The following TNFRSF11A variants were observed in gnomAD, a reference collection of about 807,000 sequenced individuals.
TNFRSF11A encodes the protein tumor necrosis factor receptor superfamily member 11A.
Under a neutral mutation model 55.7 loss-of-function variants are expected in TNFRSF11A, and 32 were observed. The observed-to-expected ratio is 0.57, with a 90% CI of 0.43 to 0.77. The LOEUF (loss-of-function observed/expected upper bound fraction) is 0.77, where lower values mean the gene tolerates loss of function less well. Among genes scored for constraint, TNFRSF11A ranks in the 30% least tolerant of loss-of-function variants. The pLI is 0.00. For synonymous variants in TNFRSF11A, 311 were observed against 331.0 expected (o/e 0.94, Z 0.65); for missense variants, 753 against 809.8 (o/e 0.93, Z 0.85).
intron 3 of TNFRSF11A, among the ~76,000 whole-genome samples, chr18:62,353,524 G>A (rs138909831): frequency 5.4e-4 from 83 of 152,294 alleles, no homozygotes; most frequent in Middle Eastern, 3.4e-3. Context: ...CCTGAGTGTG[G>A]AGCAACTCAA....
Position 62,378,311 on chromosome 18 carries a change from C to T in TNFRSF11A, c.1568-6440C>T, listed in dbSNP as rs183096889. The stretch of plus-strand genomic sequence containing the variant: ...CTACATTCAACTCACAGCAGACTTG[C>T]GTGATGAGAAATGAGACTGTGGGGT... On this transcript the variant is annotated intron_variant, in intron 9 of 9. Coordinates refer to ENST00000586569, the MANE Select transcript of TNFRSF11A (RefSeq NM_003839.4). 3.0e-3 allele frequency among the ~76,000 whole-genome samples: 460 copies of T among 152,286 alleles called. 5 individuals carry two copies. Among genetic ancestry groups the T allele is most frequent in the Non-Finnish European group, 5.1e-3 (345 of 68,032 alleles).
chr18:62,351,002 C>CTTTTTTTTTTTT (rs71160826), intron 3 of TNFRSF11A, among the ~76,000 whole-genome samples: 4 of 122,692 alleles, frequency 3.3e-5, no homozygotes, highest in African/African-American at 6.0e-5. Flanking sequence ...TTTTTTCTTT[C>CTTTTTTTTTTTT]TTTTTTTTTT....
intron 4 of TNFRSF11A, chr18:62,357,836 G>C (rs1317781069): frequency 3.9e-6 from 1 of 259,206 alleles, no homozygotes; most frequent in Non-Finnish European, 7.6e-6. Flanking sequence ...CTAGCTGGCA[G>C]GTGCATGGGG....
At chr18:62,340,133 A>T (rs1323289569) in intron 1 of TNFRSF11A, among the ~76,000 whole-genome samples, 1 of 151,996 alleles carries the variant, frequency 6.6e-6, no homozygotes, top group Non-Finnish European at 1.5e-5. Flanking sequence ...TCGAGGCTAC[A>T]GTGAGCAGTG....
intron 1 of TNFRSF11A, among the ~76,000 whole-genome samples, chr18:62,342,109 C>T (rs1288892638): frequency 1.3e-5 from 2 of 151,106 alleles, no homozygotes; most frequent in Non-Finnish European, 3.0e-5. Flanking sequence ...TGCTAAAATT[C>T]CCATGTGCAG....
At position 62,332,052 on chromosome 18, in the gene TNFRSF11A, A is replaced by AGTG. The variant is rs778450684; in HGVS notation, c.75+6626_75+6627insTGG. Among the ~76,000 whole-genome samples, 3 of 152,342 alleles carry AGTG rather than the reference A, an allele frequency of 2.0e-5. No homozygotes were observed. The East Asian group carries it at 5.8e-4, about 29-fold the overall frequency. On this transcript the variant is annotated intron_variant, in intron 1 of 9. Coordinates refer to ENST00000586569, the MANE Select transcript of TNFRSF11A (RefSeq NM_003839.4). Reference sequence around the variant, plus strand: ...TGAGAGTACAAGAGCCACTTCCTCAAGCTATCAGAAATTTGAAGACTTTCC... The same window carrying AGTG: ...TGAGAGTACAAGAGCCACTTCCTCAAGTGGCTATCAGAAATTTGAAGACTTTCC...
chr18:62,369,778 G>A (rs1844373024), intron 9 of TNFRSF11A, among the ~76,000 whole-genome samples: 1 of 152,106 alleles, frequency 6.6e-6, no homozygotes, highest in African/African-American at 2.4e-5. Context: ...TAGACCTCAA[G>A]CCCCAGCACT....
intron 1 of TNFRSF11A, among the ~76,000 whole-genome samples, chr18:62,338,258 A>G (rs1394645618): frequency 6.6e-6 from 1 of 152,220 alleles, no homozygotes; most frequent in East Asian, 1.9e-4. Context: ...ACCCCTGCGG[A>G]AAACAGTTGA....
rs1188732272 is a variant in TNFRSF11A at position 62,386,948 on chromosome 18, T to A, written c.*1914T>A. The A allele has an allele frequency of 6.6e-6, 1 of 152,186 alleles. No individual in the cohort carries two copies. Among genetic ancestry groups the A allele is most frequent in the East Asian group, 1.9e-4 (1 of 5,202 alleles). The allele number at this position is 152,186 out of a possible 1,614,324, so 9.4% of individuals were successfully genotyped here. A position where few individuals can be genotyped will look rare whatever the true frequency, so the allele number is the denominator to read the frequency against. On this transcript the variant is annotated 3_prime_UTR_variant, in exon 10 of 10. Transcript: ENST00000586569. Reference sequence around the variant, plus strand: ...GAGGAAACCATTATACCTTTTGATATGGAATATATTACAGAGTTACAGTTC... The same window carrying A: ...GAGGAAACCATTATACCTTTTGATAAGGAATATATTACAGAGTTACAGTTC...
intron 9 of TNFRSF11A, among the ~76,000 whole-genome samples, chr18:62,377,895 A>T (rs1462240821): frequency 1.3e-5 from 2 of 152,106 alleles, no homozygotes; most frequent in African/African-American, 4.8e-5. Context: ...GGTAAGCCTC[A>T]TCTGAACCAT....
rs1427277042 is a variant in TNFRSF11A, at chr18:62,390,999, T to A, written c.*5965T>A. On this transcript the variant is annotated 3_prime_UTR_variant, in exon 10 of 10. Transcript: ENST00000586569. The stretch of plus-strand genomic sequence containing the variant: ...ATTTCAACATCCCAAAGTTCCCATT[T>A]CCCTTTTCAGTCAATCCCTTCCCCA... The A allele has an allele frequency of 6.6e-6, 1 of 152,222 alleles. No individual in the cohort carries two copies. Among genetic ancestry groups the A allele is most frequent in the Non-Finnish European group, 1.5e-5 (1 of 68,042 alleles). 9.4% of individuals were successfully genotyped at this position (152,222 alleles called of 1,614,324 possible). A position where few individuals can be genotyped will look rare whatever the true frequency, so the allele number is the denominator to read the frequency against.
chr18:62,381,188 G>C (rs186163273), intron 9 of TNFRSF11A, among the ~76,000 whole-genome samples: 39 of 152,190 alleles, frequency 2.6e-4, no homozygotes, highest in Admixed American at 1.5e-3. Flanking sequence ...AAGGGTTTGA[G>C]GTCCATCTGA....
intron 1 of TNFRSF11A, among the ~76,000 whole-genome samples, chr18:62,327,412 G>A (rs1452499204): frequency 1.2e-4 from 19 of 152,184 alleles, no homozygotes; most frequent in Non-Finnish European, 1.0e-4. Flanking sequence ...TCACAATCAA[G>A]TGACATTGGA....
At chr18:62,351,284 T>C (rs2046467901) in intron 3 of TNFRSF11A, among the ~76,000 whole-genome samples, 1 of 152,208 alleles carries the variant, frequency 6.6e-6, no homozygotes, top group South Asian at 2.1e-4. Flanking sequence ...ATTACAGGCG[T>C]GAGCCACAAT....
At chr18:62,384,548 T>G (rs1355875816) in intron 9 of TNFRSF11A, among the ~76,000 whole-genome samples, 2 of 150,702 alleles carry the variant, frequency 1.3e-5, no homozygotes, top group Non-Finnish European at 3.0e-5. Context: ...ACTTCTTTTG[T>G]CTTTTTTCTC....
In TNFRSF11A at chr18:62,368,778, G is replaced by C; in HGVS notation, c.861G>C (p.Leu287=). Reference sequence around the variant, plus strand: ...AGGGAGCATGTGAAGGTGTCTTACTGCTGACTCTGGAGGAGAAGACATTTC... The same window carrying C: ...AGGGAGCATGTGAAGGTGTCTTACTCCTGACTCTGGAGGAGAAGACATTTC... ...GQQGACEGVL[L]LTLEEKTFPE... is the part of the protein sequence containing the mutation. The change falls in exon 9 of 10, where the codon CTG becomes CTC. Residue 287 remains leucine (L), a synonymous_variant. Transcript: ENST00000586569. The C allele has an allele frequency of 6.2e-7, 1 of 1,614,232 alleles. No homozygotes were observed. Among genetic ancestry groups the C allele is most frequent in the South Asian group, 1.1e-5 (1 of 91,084 alleles).
chr18:62,377,716 G>C (rs1445141878), intron 9 of TNFRSF11A, among the ~76,000 whole-genome samples: 1 of 151,980 alleles, frequency 6.6e-6, no homozygotes, highest in Non-Finnish European at 1.5e-5. Flanking sequence ...TAAGGCCTTG[G>C]GTCCATTTTT....
intron 8 of TNFRSF11A, among the ~76,000 whole-genome samples, chr18:62,367,999 GC>G (rs1910227215): frequency 6.6e-6 from 1 of 151,940 alleles, no homozygotes; most frequent in Non-Finnish European, 1.5e-5. Context: ...TCACTGTGTT[GC>G]CCAGGCTGGT....
Position 62,379,493 on chromosome 18 carries a change from A to G in TNFRSF11A, c.1568-5258A>G, listed in dbSNP as rs188875319. 5.0e-3 allele frequency among the ~76,000 whole-genome samples: 763 copies of G among 152,314 alleles called. 5 individuals are homozygous for G. Among genetic ancestry groups the G allele is most frequent in the Non-Finnish European group, 8.7e-3 (590 of 68,010 alleles). Reference sequence around the variant, plus strand: ...GAGTTTGATAATCATGATTATTTCTATGAAAACTACTGAATACTTTGGGAT... The same window carrying G: ...GAGTTTGATAATCATGATTATTTCTGTGAAAACTACTGAATACTTTGGGAT... On this transcript the variant is annotated intron_variant, in intron 9 of 9. Coordinates refer to ENST00000586569, the MANE Select transcript of TNFRSF11A (RefSeq NM_003839.4).
Sources: gnomAD v4.1 joint callset for allele counts (sites outside exome capture counted in the v4.1 genomes callset) on GRCh38, gnomAD v4.1.1 for gene constraint, MANE v1.5 for transcripts, NCBI Gene and HGNC (gene_info 2026-07-23, HGNC 2026-07-21) for gene names.